Variants in XYLT1 observed in about 807,000 individuals in gnomAD.
XYLT1 encodes beta-D-xylosyltransferase 1.
In XYLT1, 36 loss-of-function variants were observed where a neutral mutation model predicts 91.3. That is an observed-to-expected ratio of 0.39 (90% CI 0.30 to 0.52). The LOEUF is 0.52. XYLT1 is among the 20% of genes least tolerant of loss of function. The pLI is 0.68. For missense variants in XYLT1, 1,242 were observed against 1,284.5 expected (o/e 0.97, Z 0.51); for synonymous variants, 588 against 532.0 (o/e 1.11, Z -1.45).
At chr16:17,173,276 G>C (rs985853840) in intron 5 of XYLT1, among the ~76,000 whole-genome samples, 1 of 152,138 alleles carries the variant, frequency 6.6e-6, no homozygotes, top group Admixed American at 6.5e-5. Flanking sequence ...CTACCTCCAC[G>C]TACTCATTCA....
intron 2 of XYLT1, among the ~76,000 whole-genome samples, chr16:17,270,827 C>T (rs957673537): frequency 6.6e-6 from 1 of 152,168 alleles, no homozygotes; most frequent in Non-Finnish European, 1.5e-5. Context: ...TGTGCTAGGA[C>T]GGCAGAGTTG....
In XYLT1 at chr16:17,107,533, C is replaced by T. The variant is rs1966794108; in HGVS notation, c.*1162G>A. On this transcript the variant is annotated 3_prime_UTR_variant, in exon 12 of 12. Coordinates refer to ENST00000261381, the MANE Select transcript of XYLT1 (RefSeq NM_022166.4). ...TTGCATGTCCCGTTGAGCCTGTGGC[C>T]GAAGGGCATGAAATTAAAAACCAAA... is the stretch of plus-strand genomic sequence containing the variant. 6.6e-6 allele frequency: 1 copy of T among 152,570 alleles called. No homozygotes were observed. Among genetic ancestry groups the T allele is most frequent in the Non-Finnish European group, 1.5e-5 (1 of 68,038 alleles). The allele number at this position is 152,570 out of a possible 1,614,324, so 9.5% of individuals were successfully genotyped here. A position where few individuals can be genotyped will look rare whatever the true frequency, so the allele number is the denominator to read the frequency against.
At chr16:17,359,515 G>A (rs1486674065) in intron 1 of XYLT1, among the ~76,000 whole-genome samples, 1 of 152,192 alleles carries the variant, frequency 6.6e-6, no homozygotes, top group African/African-American at 2.4e-5. Context: ...TTTAGGAAGA[G>A]GAATTCGTCG....
rs560024261 is a variant in XYLT1 at position 17,109,439 on chromosome 16, G to A, written c.2558-422C>T. Among the ~76,000 whole-genome samples the A allele has an allele frequency of 1.9e-4, 29 of 152,242 alleles. 1 individual carries two copies. In the South Asian group the frequency reaches 6.0e-3, roughly 32 times the overall value. Reference sequence around the variant, plus strand: ...GTACCAGGATCTATTCTAGGTGGTGGAGCAAACCAGATAGGAAGGTTAAGA... The same window carrying A: ...GTACCAGGATCTATTCTAGGTGGTGAAGCAAACCAGATAGGAAGGTTAAGA... On this transcript the variant is annotated intron_variant, in intron 11 of 11. Coordinates refer to ENST00000261381, the MANE Select transcript of XYLT1 (RefSeq NM_022166.4).
chr16:17,332,567 T>TAC (rs60919228), intron 2 of XYLT1, among the ~76,000 whole-genome samples: 2,252 of 137,950 alleles, frequency 0.016, 33 homozygotes, highest in Admixed American at 0.041. Flanking sequence ...ATCACACACA[T>TAC]ACACACACAC....
chr16:17,169,663 G>T (rs2031779206), intron 5 of XYLT1, among the ~76,000 whole-genome samples: 1 of 150,244 alleles, frequency 6.7e-6, no homozygotes, highest in Non-Finnish European at 1.5e-5. Flanking sequence ...TTGGTGGGTT[G>T]GGGGGCGGGC....
chr16:17,263,204 C>T (rs1393175454), intron 2 of XYLT1, among the ~76,000 whole-genome samples: 1 of 152,092 alleles, frequency 6.6e-6, no homozygotes, highest in Non-Finnish European at 1.5e-5. Context: ...ATTTCAAAAG[C>T]TCCTGTTCTC....
chr16:17,425,787 CCCTTCCTGCT>C, intron 1 of XYLT1, among the ~76,000 whole-genome samples: 1 of 152,138 alleles, frequency 6.6e-6, no homozygotes, highest in Non-Finnish European at 1.5e-5. Flanking sequence ...GTCCTGAATG[CCCTTCCTGCT>C]CCTTCCTGCC....
At chr16:17,337,725 T>G (rs1447809964) in intron 2 of XYLT1, among the ~76,000 whole-genome samples, 3 of 151,096 alleles carry the variant, frequency 2.0e-5, no homozygotes, top group Non-Finnish European at 3.0e-5. Flanking sequence ...ATTCACACAT[T>G]CCCGATCTTA....
intron 3 of XYLT1, among the ~76,000 whole-genome samples, chr16:17,247,078 C>T (rs947850027): frequency 2.6e-5 from 4 of 152,168 alleles, no homozygotes; most frequent in African/African-American, 7.2e-5. Context: ...AAAAGGCCAG[C>T]TAGTTTTGTT....
intron 1 of XYLT1, among the ~76,000 whole-genome samples, chr16:17,412,487 G>A (rs8052992): frequency 1.4e-5 from 2 of 139,096 alleles, no homozygotes; most frequent in African/African-American, 2.6e-5. Context: ...AATAAAACTC[G>A]TGTAAACAGA....
chr16:17,419,384 C>A (rs985296955), intron 1 of XYLT1, among the ~76,000 whole-genome samples: 1 of 152,120 alleles, frequency 6.6e-6, no homozygotes, highest in Admixed American at 6.6e-5. Context: ...TATGTCATTA[C>A]ACTCATTGAC....
intron 6 of XYLT1, among the ~76,000 whole-genome samples, chr16:17,142,076 A>T (rs1287187377): frequency 1.3e-5 from 2 of 152,006 alleles, no homozygotes; most frequent in African/African-American, 4.8e-5. Flanking sequence ...GCTGATTTTT[A>T]AAATTATTTT....
chr16:17,376,101 G>A (rs965265824), intron 1 of XYLT1, among the ~76,000 whole-genome samples: 2 of 152,252 alleles, frequency 1.3e-5, no homozygotes, highest in African/African-American at 4.8e-5. Flanking sequence ...GGCTTAGAGG[G>A]GCCCATCCCA....
chr16:17,290,180 T>C (rs117514896), intron 2 of XYLT1, among the ~76,000 whole-genome samples: 205 of 152,368 alleles, frequency 1.3e-3, no homozygotes, highest in Non-Finnish European at 2.5e-3. Context: ...AAGCAGCTCA[T>C]CCAGTTTAGA....
intron 1 of XYLT1, among the ~76,000 whole-genome samples, chr16:17,359,049 C>G (rs1430611826): frequency 6.6e-6 from 1 of 152,142 alleles, no homozygotes; most frequent in African/African-American, 2.4e-5. Context: ...GAGGAAAAGA[C>G]TGATGGGAGG....
intron 3 of XYLT1, among the ~76,000 whole-genome samples, chr16:17,232,091 CTA>C (rs2033165157): frequency 7.0e-6 from 1 of 143,128 alleles, no homozygotes; most frequent in African/African-American, 2.6e-5. Context: ...TTATAATAAT[CTA>C]TTATTATATA....
chr16:17,158,100 A>G (rs1367162965), intron 6 of XYLT1, among the ~76,000 whole-genome samples: 1 of 152,254 alleles, frequency 6.6e-6, no homozygotes, highest in Non-Finnish European at 1.5e-5. Context: ...TGTCACCTAC[A>G]GGGGGCGCTC....
At chr16:17,216,201 T>C (rs2032856409) in intron 3 of XYLT1, among the ~76,000 whole-genome samples, 1 of 152,204 alleles carries the variant, frequency 6.6e-6, no homozygotes, top group Non-Finnish European at 1.5e-5. Flanking sequence ...TTGAAGGGAC[T>C]CGCAGGCTCA....
Sources: gnomAD v4.1 joint callset for allele counts (sites outside exome capture counted in the v4.1 genomes callset) on GRCh38, gnomAD v4.1.1 for gene constraint, MANE v1.5 for transcripts, NCBI Gene and HGNC (gene_info 2026-07-23, HGNC 2026-07-21) for gene names.